Variants in AGBL1 observed in about 807,000 individuals in gnomAD.
The protein encoded by AGBL1 is AGBL carboxypeptidase 1, also known as cytosolic carboxypeptidase 4.
A neutral mutation model predicts 118.9 loss-of-function variants in AGBL1; 130 were observed. The observed-to-expected ratio is 1.09, with a 90% CI of 0.95 to 1.26. The LOEUF (loss-of-function observed/expected upper bound fraction) is 1.26. Among genes scored for constraint, AGBL1 ranks in the 50% most tolerant of loss-of-function variants. The pLI is 0.00. For synonymous variants in AGBL1, 555 were observed against 478.9 expected, an observed-to-expected ratio of 1.16 and a Z score of -2.08; for missense variants, 1,584 against 1,298.1, an observed-to-expected ratio of 1.22 and a Z score of -3.38.
intron 23 of AGBL1, among the ~76,000 whole-genome samples, chr15:86,956,363 A>AGAG (rs2080931867): frequency 1.3e-5 from 2 of 152,078 alleles, no homozygotes; most frequent in Non-Finnish European, 2.9e-5. Flanking sequence ...AAAGAGAGTG[A>AGAG]GAGAGGCAGA....
chr15:86,256,535 C>A (rs2142012605), intron 7 of AGBL1, among the ~76,000 whole-genome samples: 1 of 152,314 alleles, frequency 6.6e-6, no homozygotes, highest in South Asian at 2.1e-4. Context: ...CTATCCTGAG[C>A]AATGTCTTGC....
intron 22 of AGBL1, among the ~76,000 whole-genome samples, chr15:86,785,115 C>G (rs562053802): frequency 6.6e-6 from 1 of 152,196 alleles, no homozygotes; most frequent in South Asian, 2.1e-4. Context: ...AAGGTGCACT[C>G]TCTGCCCTTT....
intron 21 of AGBL1, among the ~76,000 whole-genome samples, chr15:86,591,304 C>A (rs2084331240): frequency 2.0e-5 from 3 of 152,154 alleles, no homozygotes; most frequent in African/African-American, 7.2e-5. Context: ...ACACACCAAC[C>A]ACTGGACACC....
chr15:86,927,425 CAA>C (rs10597612), intron 23 of AGBL1, among the ~76,000 whole-genome samples: 2,627 of 141,866 alleles, frequency 0.019, 72 homozygotes, highest in African/African-American at 0.065. Context: ...CCCATCTTTA[CAA>C]AAAAAAAAAA....
intron 18 of AGBL1, among the ~76,000 whole-genome samples, chr15:86,454,292 TA>T (rs2082234092): frequency 1.3e-5 from 2 of 152,192 alleles, no homozygotes; most frequent in Admixed American, 1.3e-4. Flanking sequence ...GCCAAAAATA[TA>T]GAACGATTGG....
At chr15:86,086,551 G>T (rs1271785547) in intron 1 of AGBL1, among the ~76,000 whole-genome samples, 3 of 152,058 alleles carry the variant, frequency 2.0e-5, no homozygotes, top group Non-Finnish European at 2.9e-5. Flanking sequence ...TATAAAACAG[G>T]GCATGATAGA....
At chr15:86,961,388 A>T (rs1596678582) in intron 23 of AGBL1, among the ~76,000 whole-genome samples, 1 of 152,120 alleles carries the variant, frequency 6.6e-6, no homozygotes, top group African/African-American at 2.4e-5. Context: ...TATAATGACA[A>T]CCCTATCACT....
intron 22 of AGBL1, among the ~76,000 whole-genome samples, chr15:86,893,539 GA>G (rs2080081208): frequency 6.6e-6 from 1 of 152,048 alleles, no homozygotes; most frequent in Non-Finnish European, 1.5e-5. Context: ...ATATGCAAAT[GA>G]AAAATCAAAA....
At chr15:86,835,316 T>G (rs1050470759) in intron 22 of AGBL1, among the ~76,000 whole-genome samples, 2 of 152,166 alleles carry the variant, frequency 1.3e-5, no homozygotes, top group African/African-American at 4.8e-5. Flanking sequence ...ATGATCTAGT[T>G]GCTGAAAACA....
At chr15:86,917,651 T>C (rs372410321), downstream of AGBL1, among the ~76,000 whole-genome samples, 28 of 152,222 alleles carry the variant, frequency 1.8e-4, no homozygotes, top group African/African-American at 6.5e-4. The surrounding 1 kb of genome is among the most constrained non-coding windows in gnomAD (Gnocchi z 4.8). Context: ...AGACTTCCTT[T>C]AGTGAGGCGG....
At chr15:86,711,372 A>G (rs1276431123) in intron 22 of AGBL1, among the ~76,000 whole-genome samples, 1 of 152,234 alleles carries the variant, frequency 6.6e-6, no homozygotes, top group Non-Finnish European at 1.5e-5. Context: ...GTGGCAAGAT[A>G]TGGCAAGAAG....
rs114555078 is a variant in AGBL1 at position 86,891,751 on chromosome 15, A to G, written c.3159-15336A>G. Among the ~76,000 whole-genome samples the G allele has an allele frequency of 2.9e-3, 434 of 152,240 alleles. 2 individuals carry two copies. Among genetic ancestry groups the G allele is most frequent in the African/African-American group, 0.01 (416 of 41,548 alleles). ...GACCTTGATTTTGATACCTATACGA[A>G]TTTGTTAACTTCTCCTGGTCCCTTA... is the stretch of plus-strand genomic sequence containing the variant. On this transcript the variant is annotated intron_variant, in intron 22 of 22. Coordinates refer to ENST00000614907, the MANE Select transcript of AGBL1 (RefSeq NM_001386094.1).
chr15:86,936,007 GC>G (rs1307344559), intron 23 of AGBL1, among the ~76,000 whole-genome samples: 1 of 152,256 alleles, frequency 6.6e-6, no homozygotes, highest in Non-Finnish European at 1.5e-5. Flanking sequence ...CGGCTGAAGA[GC>G]CCTGCTCCAG....
At position 86,501,117 on chromosome 15, in the gene AGBL1, A is replaced by C. The variant is rs78363169; in HGVS notation, c.2556-21693A>C. On this transcript the variant is annotated intron_variant, in intron 18 of 22. Coordinates refer to ENST00000614907, the MANE Select transcript of AGBL1 (RefSeq NM_001386094.1). ...TACTTCAAAGTGGCTGAACCACTTTATATTTCACCAGCAATATATATGAGT... is the reference window on the plus strand; with the variant it reads ...TACTTCAAAGTGGCTGAACCACTTTCTATTTCACCAGCAATATATATGAGT... Among the ~76,000 whole-genome samples the C allele has an allele frequency of 3.3e-5, 5 of 151,878 alleles. No individual in the cohort carries two copies. In the East Asian group the frequency reaches 7.8e-4, roughly 24 times the overall value.
intron 17 of AGBL1, among the ~76,000 whole-genome samples, chr15:86,333,856 C>A (rs2080315053): frequency 6.6e-6 from 1 of 152,162 alleles, no homozygotes. Flanking sequence ...AGGCTTCATT[C>A]CTGAGAAGCA....
intron 17 of AGBL1, among the ~76,000 whole-genome samples, chr15:86,378,980 T>C (rs2141956721): frequency 1.3e-5 from 2 of 152,084 alleles, no homozygotes; most frequent in Admixed American, 1.3e-4. Context: ...TGGAGCGATC[T>C]TGGCTCACTG....
chr15:86,833,366 G>A lies in AGBL1; in HGVS notation c.3159-73721G>A, dbSNP rs184112459. On this transcript the variant is annotated intron_variant, in intron 22 of 22. Transcript: ENST00000614907. ...CCACGTGTTGTGGGAGGGACCTAGCGGGAGGTAATTGAATCATGGGGGCTG... is the reference window on the plus strand; with the variant it reads ...CCACGTGTTGTGGGAGGGACCTAGCAGGAGGTAATTGAATCATGGGGGCTG... 1.0e-3 allele frequency among the ~76,000 whole-genome samples: 154 copies of A among 152,232 alleles called. 2 individuals are homozygous for A. The South Asian group carries it at 0.025, about 25-fold the overall frequency.
chr15:87,019,015 A>AAAAG (rs2081635333), intron 24 of AGBL1, among the ~76,000 whole-genome samples: 1 of 152,130 alleles, frequency 6.6e-6, no homozygotes, highest in Non-Finnish European at 1.5e-5. Context: ...AAGATAAAAA[A>AAAAG]AAAGACAAAG....
At chr15:86,627,141 C>T (rs1392115051) in intron 21 of AGBL1, among the ~76,000 whole-genome samples, 2 of 152,136 alleles carry the variant, frequency 1.3e-5, no homozygotes, top group Non-Finnish European at 2.9e-5. Flanking sequence ...GCTGGGATTA[C>T]AGGCATGCGC....
Sources: allele counts gnomAD v4.1 joint callset (sites outside exome capture counted in the v4.1 genomes callset), GRCh38; gene constraint gnomAD v4.1.1; non-coding constraint Gnocchi (gnomAD v3.1); transcripts MANE v1.5; gene names NCBI Gene and HGNC (gene_info 2026-07-23, HGNC 2026-07-21).